Variants in KIF1A observed in about 807,000 individuals in gnomAD.
KIF1A encodes the protein kinesin-like protein KIF1A.
A neutral mutation model predicts 227.3 loss-of-function variants in KIF1A; 46 were observed. The ratio of observed to expected loss-of-function variants is 0.20; its 90% CI spans 0.16 to 0.26. The LOEUF (loss-of-function observed/expected upper bound fraction) is 0.26, where lower values mean the gene tolerates loss of function less well. Among genes scored for constraint, KIF1A ranks in the 10% least tolerant of loss-of-function variants. The probability of loss-of-function intolerance (pLI) is 1.00; values close to 1 mark genes in which losing one functional copy is unlikely to be tolerated. For missense variants in KIF1A, 1,683 were observed against 2,485.9 expected (o/e 0.68, Z 6.87); for synonymous variants, 1,022 against 1,012.8 (o/e 1.01, Z -0.17).
chr2:240,785,958 A>G (rs1229980106), intron 6 of KIF1A, among the ~76,000 whole-genome samples: 1 of 151,716 alleles, frequency 6.6e-6, no homozygotes, highest in Non-Finnish European at 1.5e-5. Flanking sequence ...ACTGCAGCCG[A>G]CCCTCCCCAC....
Position 240,766,474 on chromosome 2 carries a change from TC to T in KIF1A, c.1684+440del. 6.6e-6 allele frequency among the ~76,000 whole-genome samples: 1 copy of T among 152,166 alleles called. No individual in the cohort carries two copies. Among genetic ancestry groups the T allele is most frequent in the Admixed American group, 6.5e-5 (1 of 15,278 alleles). ...GGAAACCAAGGTCTGGAAATAGTTT[TC>T]CACCCTAGATCTGGGCTCAATCCTC... On this transcript the variant is annotated intron_variant, in intron 19 of 48. Transcript: ENST00000498729. The surrounding 1 kb of genome is among the most constrained non-coding windows in gnomAD (Gnocchi z 5.0).
At chr2:240,759,144 AGT>A (rs35848053) in intron 25 of KIF1A, among the ~76,000 whole-genome samples, 3,219 of 148,674 alleles carry the variant, frequency 0.022, 36 homozygotes, top group African/African-American at 0.043. Flanking sequence ...AATGCTTATG[AGT>A]GTGTGTGTGT....
chr2:240,739,642 C>T lies in KIF1A; in HGVS notation c.3901+416G>A, dbSNP rs574219208. Among the ~76,000 whole-genome samples, 4 of 152,230 alleles carry T rather than the reference C, an allele frequency of 2.6e-5. 1 individual carries two copies. The South Asian group carries it at 8.3e-4, about 32-fold the overall frequency. ...CAGTGATGCGTCTGCAGGCCAGGGTCGCCCAAGATGCTGGCCACCACCAGG... is the reference window on the plus strand; with the variant it reads ...CAGTGATGCGTCTGCAGGCCAGGGTTGCCCAAGATGCTGGCCACCACCAGG... On this transcript the variant is annotated intron_variant, in intron 37 of 48. Transcript: ENST00000498729. The surrounding 1 kb of genome is among the most constrained non-coding windows in gnomAD (Gnocchi z 5.6).
At chr2:240,765,590 G>GCGGC (rs1004399172) in intron 20 of KIF1A, 120 bp downstream of exon 20, 24 of 764,934 alleles carry the variant, frequency 3.1e-5, no homozygotes, top group Non-Finnish European at 4.6e-5. Context: ...TACCTGCCCA[G>GCGGC]CGGCCCTTAA....
chr2:240,794,496 G>A (rs987220621), intron 2 of KIF1A, among the ~76,000 whole-genome samples: 4 of 152,064 alleles, frequency 2.6e-5, no homozygotes, highest in African/African-American at 9.7e-5. Flanking sequence ...CCACAACATC[G>A]TGTGGCACTT....
chr2:240,722,572 A>T lies in KIF1A; in HGVS notation c.4549T>A (p.Phe1517Ile). Reference sequence around the variant, plus strand: ...CCATGGGACTCAGAGTCCTCGCTGAAGGCCGGGGACAGTGCCTCCGGGACA... The same window carrying T: ...CCATGGGACTCAGAGTCCTCGCTGATGGCCGGGGACAGTGCCTCCGGGACA... Reference protein sequence around the residue: ...RPVPEALSPAFSEDSESHGSS... With the variant: ...RPVPEALSPAISEDSESHGSS... Residue 1517 changes from phenylalanine (F) to isoleucine (I), a missense_variant, in exon 43 of 49, where the codon TTC (phenylalanine) becomes ATC (isoleucine). Phe to Ile is a conservative substitution (Grantham distance 21). Around this residue, in one of 12 missense-constraint regions of KIF1A, gnomAD observed 384 missense variants for 410.1 expected, o/e 0.94. Transcript: ENST00000498729. 1 of 1,557,902 alleles carries T rather than the reference A, an allele frequency of 6.4e-7. No homozygotes were observed. The highest frequency in any genetic ancestry group is 2.4e-5 in the East Asian group (1 of 41,906).
intron 23 of KIF1A, among the ~76,000 whole-genome samples, chr2:240,762,064 C>A (rs2050598254): frequency 6.6e-6 from 1 of 152,240 alleles, no homozygotes; most frequent in Admixed American, 6.5e-5. Flanking sequence ...TTGGCTGCCC[C>A]CAATCTGGCA....
intron 29 of KIF1A, among the ~76,000 whole-genome samples, chr2:240,746,479 C>A (rs2048613061): frequency 6.6e-6 from 1 of 152,234 alleles, no homozygotes; most frequent in Non-Finnish European, 1.5e-5. Flanking sequence ...CAGCCGGACC[C>A]CCGCCTGCCA....
At chr2:240,743,796 C>A in intron 33 of KIF1A, 146 bp downstream of exon 33, 3 of 591,908 alleles carry the variant, frequency 5.1e-6, no homozygotes, top group South Asian at 2.2e-5. Flanking sequence ...GTCCTGCCAG[C>A]CCTGGGCAAA....
Position 240,787,293 on chromosome 2 carries a change from C to T in KIF1A, c.387G>A (p.Arg129=), listed in dbSNP as rs1343251035. 1.2e-6 allele frequency: 2 copies of T among 1,613,426 alleles called. No individual in the cohort carries two copies. Among genetic ancestry groups the T allele is most frequent in the Non-Finnish European group, 1.7e-6 (2 of 1,179,774 alleles). ...TGTTGTCGTTGGTCGTGTCGTTGAT[C>T]CGAGAGAAGAGGTCCTCGCAGAGCT... ...IPQLCEDLFS[R]INDTTNDNMS... The change falls in exon 5 of 49, where the codon CGG becomes CGA. Residue 129 remains arginine, a synonymous_variant. Coordinates refer to ENST00000498729, the MANE Select transcript of KIF1A (RefSeq NM_001244008.2).
At chr2:240,724,961 GC>G (rs987614869) in intron 40 of KIF1A, 15 of 143,832 alleles carry the variant, frequency 1.0e-4, no homozygotes, top group Non-Finnish European at 1.9e-4. Flanking sequence ...GAACGGTGTG[GC>G]CCCAGGATCA....
At chr2:240,756,897 G>C (rs1448663644) in intron 27 of KIF1A, among the ~76,000 whole-genome samples, 1 of 152,226 alleles carries the variant, frequency 6.6e-6, no homozygotes, top group Non-Finnish European at 1.5e-5. Context: ...TCCTGCTTGG[G>C]GGCGGCTGGC....
In KIF1A at chr2:240,766,349, T is replaced by A. The variant is rs944114095; in HGVS notation, c.1685-556A>T. Among the ~76,000 whole-genome samples the A allele has an allele frequency of 6.6e-6, 1 of 152,190 alleles. No homozygotes were observed. The highest frequency in any genetic ancestry group is 2.4e-5 in the African/African-American group (1 of 41,460). On this transcript the variant is annotated intron_variant, in intron 19 of 48. Coordinates refer to ENST00000498729, the MANE Select transcript of KIF1A (RefSeq NM_001244008.2). This position sits in a 1 kb window ranked among gnomAD's most constrained non-coding sequence, Gnocchi z 5.0. Reference sequence around the variant, plus strand: ...CTGACACCACAGGCCCATCCCCAAGTTGGGCAGCACCAGGCAATGGGGACA... The same window carrying A: ...CTGACACCACAGGCCCATCCCCAAGATGGGCAGCACCAGGCAATGGGGACA...
At chr2:240,745,696 G>A (rs758391391) in intron 31 of KIF1A, 42 bp downstream of exon 31, 1 of 1,595,148 alleles carries the variant, frequency 6.3e-7, no homozygotes, top group South Asian at 1.1e-5. Flanking sequence ...TGGGCACAGA[G>A]TCCCTGCGCA....
At position 240,742,542 on chromosome 2, in the gene KIF1A, C is replaced by T. The variant is rs79002565; in HGVS notation, c.3640+387G>A. ...CAAAAGCTCTGACAAATACTTCTCCCCGACTGACCCCACACTCTCGCTCCC... is the reference window on the plus strand; with the variant it reads ...CAAAAGCTCTGACAAATACTTCTCCTCGACTGACCCCACACTCTCGCTCCC... On this transcript the variant is annotated intron_variant, in intron 34 of 48. Coordinates refer to ENST00000498729, the MANE Select transcript of KIF1A (RefSeq NM_001244008.2). Among the ~76,000 whole-genome samples the T allele has an allele frequency of 6.6e-3, 999 of 152,298 alleles. 8 individuals carry two copies. Among genetic ancestry groups the T allele is most frequent in the African/African-American group, 0.022 (901 of 41,544 alleles).
chr2:240,776,803 A>G (rs1017960613), intron 10 of KIF1A, among the ~76,000 whole-genome samples: 27 of 152,200 alleles, frequency 1.8e-4, no homozygotes, highest in African/African-American at 6.5e-4. Context: ...GAGCACACAC[A>G]GACATCATTG....
chr2:240,747,393 G>A, intron 28 of KIF1A, 72 bp from the exon 29 acceptor site: 2 of 1,209,242 alleles, frequency 1.7e-6, no homozygotes, highest in Middle Eastern at 2.2e-4. Flanking sequence ...GAGCCAGGCT[G>A]GGCCACCCCG....
intron 1 of KIF1A, among the ~76,000 whole-genome samples, chr2:240,819,729 G>A (rs1039727501): frequency 1.3e-5 from 2 of 151,274 alleles, no homozygotes; most frequent in Admixed American, 1.3e-4. Context: ...CCGCAGCCCC[G>A]CCGGTGGCTC....
At position 240,753,585 on chromosome 2, in the gene KIF1A, C is replaced by T. The variant is rs796269422; in HGVS notation, c.2859-3038G>A. Reference sequence around the variant, plus strand: ...GCAACATGGCAGAAATCACAGCAGCCGGCATCTGTGGAGGCTCCCTAGGGG... The same window carrying T: ...GCAACATGGCAGAAATCACAGCAGCTGGCATCTGTGGAGGCTCCCTAGGGG... On this transcript the variant is annotated intron_variant, in intron 27 of 48. Transcript: ENST00000498729. Among the ~76,000 whole-genome samples the T allele has an allele frequency of 5.9e-5, 9 of 152,276 alleles. 1 individual carries two copies. The highest frequency in any genetic ancestry group is 1.9e-4 in the East Asian group (1 of 5,182).
Sources: gnomAD v4.1 joint callset for allele counts (sites outside exome capture counted in the v4.1 genomes callset) on GRCh38, gnomAD v4.1.1 for gene constraint, gnomAD v4.1.1 regional missense constraint, Gnocchi (gnomAD v3.1) non-coding constraint, MANE v1.5 for transcripts, NCBI Gene and HGNC (gene_info 2026-07-23, HGNC 2026-07-21) for gene names.